POLRMT: variants seen among roughly 807,000 people sequenced by gnomAD.
POLRMT encodes the protein RNA polymerase mitochondrial.
A neutral mutation model predicts 132.2 loss-of-function variants in POLRMT; 114 were observed. The observed-to-expected ratio is 0.86, with a 90% CI of 0.74 to 1.01. POLRMT has a LOEUF of 1.01. POLRMT is among the 50% of genes least tolerant of loss of function. The probability of loss-of-function intolerance (pLI) is 0.00; values close to 1 mark genes in which losing one functional copy is unlikely to be tolerated. For synonymous variants in POLRMT, 1,020 were observed against 773.4 expected (o/e 1.32, Z -5.29); for missense variants, 2,003 against 1,729.1 (o/e 1.16, Z -2.81).
In POLRMT at chr19:621,826, G is replaced by C; in HGVS notation, c.1872C>G (p.His624Gln). 1 of 1,602,364 alleles carries C rather than the reference G, an allele frequency of 6.2e-7. No individual in the cohort carries two copies. The highest frequency in any genetic ancestry group is 8.5e-7 in the Non-Finnish European group (1 of 1,179,830). Residue 624 changes from histidine to glutamine, a missense_variant, in exon 10 of 21, where the codon CAC becomes CAG. Physicochemically the swap from His to Gln is conservative, Grantham distance 24. Transcript: ENST00000588649. ...NVQQIGILKP[H>Q]PAYVQLLEKA... ...TCTCCAGCAGCTGCACGTAGGCCGG[G>C]TGCGGCTTCAGGATGCCGATCTGGG...
chr19:623,554 T>C lies in POLRMT; in HGVS notation c.1190A>G (p.Gln397Arg). 1 of 1,613,654 alleles carries C rather than the reference T, an allele frequency of 6.2e-7. No homozygotes were observed. Among genetic ancestry groups the C allele is most frequent in the Non-Finnish European group, 8.5e-7 (1 of 1,179,980 alleles). ...GTGGAGCTGCTTCTCAAAGAGGCAC[T>C]GCAGGGTCTTCAAGGGCAGGTGCAG... Reference protein sequence around the residue: ...PKLHLPLKTLQCLFEKQLHME... With the variant: ...PKLHLPLKTLRCLFEKQLHME... Residue 397 changes from glutamine (Q) to arginine (R), a missense_variant, in exon 6 of 21, where the codon CAG (glutamine) becomes CGG (arginine). Transcript: ENST00000588649.
chr19:622,490 T>A (rs1031327397), intron 8 of POLRMT, 92 bp downstream of exon 8: 14 of 1,480,558 alleles, frequency 9.5e-6, no homozygotes, highest in Admixed American at 4.6e-5. Context: ...ATGAACAGAC[T>A]GAAGCTTGGG....
Position 630,156 on chromosome 19 carries a change from C to T in POLRMT, c.206G>A (p.Arg69Gln), listed in dbSNP as rs771169608. Residue 69 changes from arginine (R) to glutamine (Q), a missense_variant, in exon 3 of 21, where the codon CGG (arginine) becomes CAG (glutamine). By Grantham distance (43) the Arg-to-Gln change is conservative (BLOSUM62 1). Coordinates refer to ENST00000588649, the MANE Select transcript of POLRMT (RefSeq NM_005035.4). The stretch of plus-strand genomic sequence containing the variant: ...GCTCTCAGCCTGCAGCTGCCGCACC[C>T]GCGCCTGGAGCACTGTGAGGGGCAG... ...HVELLEVLQA[R>Q]VRQLQAESVS... The T allele has an allele frequency of 6.3e-6, 10 of 1,595,770 alleles. No individual in the cohort carries two copies. Among genetic ancestry groups the T allele is most frequent in the East Asian group, 2.2e-5 (1 of 44,676 alleles).
Position 621,152 on chromosome 19 carries a change from G to T in POLRMT, c.2546C>A (p.Thr849Lys). 1 of 1,611,032 alleles carries T rather than the reference G, an allele frequency of 6.2e-7. No individual in the cohort carries two copies. Among genetic ancestry groups the T allele is most frequent in the Non-Finnish European group, 8.5e-7 (1 of 1,178,758 alleles). Residue 849 changes from threonine to lysine, a missense_variant, in exon 10 of 21, where the codon ACG (threonine) becomes AAG (lysine). By Grantham distance (78) the Thr-to-Lys change is moderately conservative. Transcript: ENST00000588649. Reference sequence around the variant, plus strand: ...CAGCGGCTCCCGCTTCTTCAACCCCGTGAGATTGACCAGGTGGATCTTGAG... The same window carrying T: ...CAGCGGCTCCCGCTTCTTCAACCCCTTGAGATTGACCAGGTGGATCTTGAG... ...DWLKIHLVNLTGLKKREPLRK... is the reference protein window; with the variant it reads ...DWLKIHLVNLKGLKKREPLRK...
chr19:617,599 G>A lies in POLRMT; in HGVS notation c.3552C>T (p.Ser1184=), dbSNP rs755793386. The part of the protein sequence containing the change: ...LHSEPILQDL[S]RFLVKRFCSE... Reference sequence around the variant, plus strand: ...AGCAGAACCGCTTGACCAGGAATCTGGACAGGTCCTGCAGGATGGGCTCGC... The same window carrying A: ...AGCAGAACCGCTTGACCAGGAATCTAGACAGGTCCTGCAGGATGGGCTCGC... The change falls in exon 19 of 21, where the codon TCC becomes TCT. Residue 1184 remains serine (S), a synonymous_variant. Transcript: ENST00000588649. The A allele has an allele frequency of 6.8e-6, 11 of 1,612,410 alleles. No homozygotes were observed. In the East Asian group the frequency reaches 1.6e-4, roughly 23 times the overall value.
In POLRMT at chr19:627,733, C is replaced by T. The variant is rs868430085; in HGVS notation, c.822+1807G>A. ...TGAGGTCAGGAGTTTGAGACCAGCC[C>T]GGCCAACATGGCAAAAGCCCGTCTC... On this transcript the variant is annotated intron_variant, in intron 3 of 20. Transcript: ENST00000588649. 3.3e-5 allele frequency among the ~76,000 whole-genome samples: 5 copies of T among 150,376 alleles called. No individual in the cohort carries two copies. The South Asian group carries it at 1.0e-3, about 32-fold the overall frequency.
At chr19:620,632 G>C in intron 10 of POLRMT, 145 bp from the exon 11 acceptor site, 1 of 1,097,110 alleles carries the variant, frequency 9.1e-7, no homozygotes, top group Non-Finnish European at 1.2e-6. Context: ...GAGAGACGGG[G>C]CGGTGGCTGG....
intron 10 of POLRMT, 136 bp downstream of exon 10, chr19:620,917 ACGGGC>A: frequency 7.8e-5 from 7 of 90,162 alleles, no homozygotes; most frequent in South Asian, 7.6e-4. Flanking sequence ...GAGGAGGAAG[ACGGGC>A]AGGGGGCGCC....
chr19:623,070 C>A, intron 6 of POLRMT, 85 bp from the exon 7 acceptor site: 1 of 1,472,376 alleles, frequency 6.8e-7, no homozygotes, highest in South Asian at 1.3e-5. Context: ...CAGCTCCCTG[C>A]AGAGACCTCA....
chr19:622,777 T>TGCCCGCCCCGCCCGGGGACCC, intron 7 of POLRMT, 25 bp from the exon 8 acceptor site: 2 of 1,558,124 alleles, frequency 1.3e-6, no homozygotes, highest in Non-Finnish European at 1.7e-6. Flanking sequence ...CGTGAGTGCC[T>TGCCCGCCCCGCCCGGGGACCC]GCCCGCCCCG....
At position 621,390 on chromosome 19, in the gene POLRMT, G is replaced by T. The variant is rs751282996; in HGVS notation, c.2308C>A (p.Arg770=). The T allele has an allele frequency of 3.3e-6, 5 of 1,537,940 alleles. No individual in the cohort carries two copies. The African/African-American group carries it at 4.1e-5, about 13-fold the overall frequency. The change falls in exon 10 of 21, where the codon CGG becomes AGG. Residue 770 remains arginine, a synonymous_variant. Coordinates refer to ENST00000588649, the MANE Select transcript of POLRMT (RefSeq NM_005035.4). ...RELAHCQKVA[R]EMHSLRAEAL... is the part of the protein sequence containing the mutation. ...TCCGCCCGCAGGCTGTGCATCTCCC[G>T]GGCCACCTTCTGGCAGTGCGCCAGC...
intron 17 of POLRMT, 140 bp from the exon 18 acceptor site, chr19:617,989 C>T (rs890476184): frequency 8.8e-6 from 6 of 682,576 alleles, no homozygotes; most frequent in South Asian, 6.9e-5. Flanking sequence ...CCACCCCTCG[C>T]CCCGCCCCTC....
chr19:631,455 C>G (rs1369155550), intron 2 of POLRMT, among the ~76,000 whole-genome samples: 1 of 151,154 alleles, frequency 6.6e-6, no homozygotes, highest in African/African-American at 2.4e-5. Context: ...CTGGCTAACA[C>G]GGTGAAACCC....
chr19:619,653 C>T lies in POLRMT; in HGVS notation c.2999G>A (p.Gly1000Glu), dbSNP rs1461039094. The change falls in exon 13 of 21, where the codon GGG becomes GAG. Residue 1000 changes from glycine (G) to glutamate (E), a missense_variant. Gly to Glu is a moderately conservative substitution (Grantham distance 98, BLOSUM62 -2). Transcript: ENST00000588649. The stretch of plus-strand genomic sequence containing the variant: ...CAGGCGCCCGCCATAGCGCGTGACC[C>T]CGTACACCACCGTCATCACCGTCTG... ...VKQTVMTVVY[G>E]VTRYGGRLQI... 2 of 1,610,620 alleles carry T rather than the reference C, an allele frequency of 1.2e-6. No individual in the cohort carries two copies. Among genetic ancestry groups the T allele is most frequent in the African/African-American group, 2.7e-5 (2 of 74,842 alleles).
At chr19:624,113 G>GT (rs1984844522) in intron 5 of POLRMT, among the ~76,000 whole-genome samples, 1 of 152,208 alleles carries the variant, frequency 6.6e-6, no homozygotes, top group Non-Finnish European at 1.5e-5. Context: ...AGACGGGCAC[G>GT]GCGCGGCCAT....
At chr19:624,166 C>G (rs916766809) in intron 5 of POLRMT, among the ~76,000 whole-genome samples, 2 of 152,200 alleles carry the variant, frequency 1.3e-5, no homozygotes, top group African/African-American at 4.8e-5. Context: ...AGGTCGCCTC[C>G]CGGAGGCACC....
chr19:620,456 G>A lies in POLRMT; in HGVS notation c.2672C>T (p.Pro891Leu), dbSNP rs1237276419. 5 of 1,601,084 alleles carry A rather than the reference G, an allele frequency of 3.1e-6. No individual in the cohort carries two copies. The highest frequency in any genetic ancestry group is 3.4e-5 in the Admixed American group (2 of 58,936). The change falls in exon 11 of 21, where the codon CCC (proline) becomes CTC (leucine). Residue 891 changes from proline to leucine, a missense_variant. Coordinates refer to ENST00000588649, the MANE Select transcript of POLRMT (RefSeq NM_005035.4). ...GRKWWMGAEE[P>L]WQTLACCMEV... ...CATACAGCAGGCCAGCGTCTGCCAG[G>A]GTTCCTCCGCGCCCATCCACCACTT...
rs1231779390 is a variant in POLRMT at position 622,899 on chromosome 19, C to T, written c.1377G>A (p.Glu459=). ...LRETKNRLER[E]VYEGRFSLYP... Reference sequence around the variant, plus strand: ...AAAGTGAGAACCGGCCCTCGTACACCTCGCGCTCTAGGCGGTTCTTGGTCT... The same window carrying T: ...AAAGTGAGAACCGGCCCTCGTACACTTCGCGCTCTAGGCGGTTCTTGGTCT... Residue 459 remains glutamate, a synonymous_variant, in exon 7 of 21, where the codon GAG becomes GAA. Transcript: ENST00000588649. 2 of 1,612,350 alleles carry T rather than the reference C, an allele frequency of 1.2e-6. No homozygotes were observed. The highest frequency in any genetic ancestry group is 1.3e-5 in the African/African-American group (1 of 75,044).
chr19:618,681 C>T lies in POLRMT; in HGVS notation c.3323+24G>A, dbSNP rs760347124. 5.6e-6 allele frequency: 9 copies of T among 1,605,784 alleles called. No individual in the cohort carries two copies. The East Asian group carries it at 1.8e-4, about 32-fold the overall frequency. On this transcript the variant is annotated intron_variant, in intron 16 of 20. Coordinates refer to ENST00000588649, the MANE Select transcript of POLRMT (RefSeq NM_005035.4). ...GCTGCTCTCCAGACCCCCGGCCAGG[C>T]CCCAGCCCGGGCCCCCCACTCACCG...
Sources: gnomAD v4.1 joint callset for allele counts (sites outside exome capture counted in the v4.1 genomes callset) on GRCh38, gnomAD v4.1.1 for gene constraint, MANE v1.5 for transcripts, NCBI Gene and HGNC (gene_info 2026-07-23, HGNC 2026-07-21) for gene names.